Variants in EPHA6 observed in about 807,000 individuals in gnomAD.
EPHA6 encodes the protein EPH receptor A6.
Under a neutral mutation model 112.0 loss-of-function variants are expected in EPHA6, and 50 were observed. The ratio of observed to expected loss-of-function variants is 0.45; its 90% CI spans 0.36 to 0.56. The LOEUF (loss-of-function observed/expected upper bound fraction) is 0.56, where lower values mean the gene tolerates loss of function less well. EPHA6 is among the 20% of genes least tolerant of loss of function. EPHA6 has a pLI of 0.00. For missense variants in EPHA6, 1,280 were observed against 1,417.4 expected, an observed-to-expected ratio of 0.90 and a Z score of 1.56; for synonymous variants, 529 against 490.7, an observed-to-expected ratio of 1.08 and a Z score of -1.03.
At chr3:97,120,921 A>G (rs542457827) in intron 3 of EPHA6, among the ~76,000 whole-genome samples, 8 of 152,160 alleles carry the variant, frequency 5.3e-5, no homozygotes, top group Non-Finnish European at 1.2e-4. Flanking sequence ...AACATTTAAT[A>G]TATGAAAAAA....
intron 5 of EPHA6, among the ~76,000 whole-genome samples, chr3:97,270,561 C>G (rs1193356427): frequency 2.0e-5 from 3 of 152,176 alleles, no homozygotes; most frequent in Non-Finnish European, 2.9e-5. Flanking sequence ...TAAAACAATA[C>G]AATCTTCTGA....
At chr3:97,133,957 C>T (rs2075704159) in intron 3 of EPHA6, among the ~76,000 whole-genome samples, 1 of 151,866 alleles carries the variant, frequency 6.6e-6, no homozygotes, top group South Asian at 2.1e-4. Context: ...ATTCTATTAG[C>T]AGCTCAGAGG....
At chr3:97,507,199 T>C (rs538390368) in intron 10 of EPHA6, among the ~76,000 whole-genome samples, 3 of 152,200 alleles carry the variant, frequency 2.0e-5, no homozygotes, top group Non-Finnish European at 4.4e-5. Flanking sequence ...TCCAATACTT[T>C]GTTGAATAGG....
At chr3:96,906,106 C>T (rs1399003292) in intron 2 of EPHA6, among the ~76,000 whole-genome samples, 1 of 151,884 alleles carries the variant, frequency 6.6e-6, no homozygotes, top group Non-Finnish European at 1.5e-5. Context: ...AGTAAATTAC[C>T]AAATATGTTC....
At chr3:96,896,110 G>A (rs944687309) in intron 2 of EPHA6, among the ~76,000 whole-genome samples, 7 of 152,138 alleles carry the variant, frequency 4.6e-5, no homozygotes, top group Non-Finnish European at 8.8e-5. Context: ...GACAGTGACA[G>A]TATATATACA....
intron 6 of EPHA6, among the ~76,000 whole-genome samples, chr3:97,430,593 G>A (rs1272126332): frequency 1.3e-5 from 2 of 152,056 alleles, no homozygotes; most frequent in Non-Finnish European, 2.9e-5. Flanking sequence ...TGACTAGAAT[G>A]TATTTAGCTT....
intron 6 of EPHA6, among the ~76,000 whole-genome samples, chr3:97,432,353 A>T (rs1410195318): frequency 6.6e-6 from 1 of 152,188 alleles, no homozygotes; most frequent in Non-Finnish European, 1.5e-5. Context: ...AACAGCATTG[A>T]TAATCATTCT....
chr3:97,635,632 C>T (rs905661620), intron 13 of EPHA6, among the ~76,000 whole-genome samples: 1 of 151,772 alleles, frequency 6.6e-6, no homozygotes, highest in African/African-American at 2.4e-5. Flanking sequence ...ACTGGTTGCC[C>T]GGGGTGGTGG....
At chr3:97,361,849 A>T (rs2084391759) in intron 5 of EPHA6, among the ~76,000 whole-genome samples, 1 of 152,218 alleles carries the variant, frequency 6.6e-6, no homozygotes, top group South Asian at 2.1e-4. Context: ...TTTGAAGGCA[A>T]TAAACATTAA....
chr3:97,673,722 A>T (rs1318416542), intron 14 of EPHA6, among the ~76,000 whole-genome samples: 1 of 152,190 alleles, frequency 6.6e-6, no homozygotes, highest in Non-Finnish European at 1.5e-5. Context: ...TCTTTGTCAG[A>T]ACCTATTTGT....
chr3:96,931,351 T>A (rs775415205), intron 2 of EPHA6, among the ~76,000 whole-genome samples: 1 of 152,150 alleles, frequency 6.6e-6, no homozygotes, highest in Admixed American at 6.5e-5. Context: ...TTGTCTGGAC[T>A]GTTTGGACTC....
intron 3 of EPHA6, among the ~76,000 whole-genome samples, chr3:97,151,842 A>C (rs967130600): frequency 8.6e-5 from 13 of 151,986 alleles, no homozygotes; most frequent in African/African-American, 2.9e-4. Context: ...ACTGGTAATA[A>C]TATATGATTA....
Position 97,532,417 on chromosome 3 carries a change from G to C in EPHA6, c.2260G>C (p.Val754Leu), listed in dbSNP as rs1189665625. 1 of 1,612,488 alleles carries C rather than the reference G, an allele frequency of 6.2e-7. No homozygotes were observed. The highest frequency in any genetic ancestry group is 1.7e-5 in the Admixed American group (1 of 59,880). ...LKTPGKREIPVAIKTLKGGHM... is the reference protein window; with the variant it reads ...LKTPGKREIPLAIKTLKGGHM... ...GACACCAGGGAAAAGAGAGATCCCA[G>C]TTGCCATTAAAACTTTGAAAGGTGG... is the stretch of plus-strand genomic sequence containing the variant. Residue 754 changes from valine (V) to leucine (L), a missense_variant, in exon 11 of 18, where the codon GTT becomes CTT. Around this residue, in one of 4 missense-constraint regions of EPHA6, gnomAD observed 878 missense variants for 999.7 expected, o/e 0.88. Transcript: ENST00000389672.
chr3:97,002,405 G>A (rs1156276411), intron 3 of EPHA6, among the ~76,000 whole-genome samples: 1 of 110,694 alleles, frequency 9.0e-6, no homozygotes, highest in Non-Finnish European at 2.2e-5. Flanking sequence ...ATTCATGAGG[G>A]TTGTTTTTTT....
At chr3:96,896,771 G>T (rs990036813) in intron 2 of EPHA6, among the ~76,000 whole-genome samples, 5 of 152,116 alleles carry the variant, frequency 3.3e-5, no homozygotes, top group African/African-American at 1.2e-4. Flanking sequence ...ATAACAAAAA[G>T]CAAGACTCTT....
chr3:97,025,218 C>T (rs2044596878), intron 3 of EPHA6, among the ~76,000 whole-genome samples: 1 of 152,148 alleles, frequency 6.6e-6, no homozygotes, highest in Non-Finnish European at 1.5e-5. Context: ...CGTAAGCACT[C>T]ACCATTATTA....
At chr3:96,973,424 G>A (rs2042391538) in intron 2 of EPHA6, among the ~76,000 whole-genome samples, 4 of 152,216 alleles carry the variant, frequency 2.6e-5, no homozygotes, top group African/African-American at 7.2e-5. Flanking sequence ...ATGTACGTAA[G>A]TTTGGTAATT....
At chr3:97,236,492 T>C (rs1450528282) in intron 4 of EPHA6, among the ~76,000 whole-genome samples, 1 of 152,130 alleles carries the variant, frequency 6.6e-6, no homozygotes, top group Non-Finnish European at 1.5e-5. Context: ...TTAACAAACA[T>C]TTACGTTGCC....
intron 3 of EPHA6, among the ~76,000 whole-genome samples, chr3:97,162,667 G>T (rs1418171700): frequency 6.6e-6 from 1 of 152,098 alleles, no homozygotes; most frequent in East Asian, 1.9e-4. Flanking sequence ...AAGATTAACA[G>T]TGTAAATTTT....
Sources: gnomAD v4.1 joint callset for allele counts (sites outside exome capture counted in the v4.1 genomes callset) on GRCh38, gnomAD v4.1.1 for gene constraint, gnomAD v4.1.1 regional missense constraint, MANE v1.5 for transcripts, NCBI Gene and HGNC (gene_info 2026-07-23, HGNC 2026-07-21) for gene names.